The following GASK1B variants were observed in gnomAD, a reference collection of about 807,000 sequenced individuals.
GASK1B encodes golgi associated kinase 1B.
GASK1B carries 34 observed loss-of-function variants against 42.8 expected under a neutral mutation model. The ratio of observed to expected loss-of-function variants is 0.79; its 90% CI spans 0.60 to 1.06. GASK1B has a LOEUF of 1.06. Ranked by LOEUF, GASK1B falls within the 50% of genes least tolerant of loss-of-function variation. GASK1B has a pLI of 0.00. For synonymous variants in GASK1B, 262 were observed against 259.1 expected (o/e 1.01, Z -0.11); for missense variants, 686 against 661.0 (o/e 1.04, Z -0.42).
intron 3 of GASK1B, among the ~76,000 whole-genome samples, chr4:158,146,227 GA>G (rs1488898819): frequency 1.3e-5 from 2 of 151,532 alleles, no homozygotes; most frequent in Non-Finnish European, 2.9e-5. Context: ...TTACAAAGTT[GA>G]AAAAGACAGG....
At chr4:158,161,551 C>T (rs1002271565) in intron 2 of GASK1B, among the ~76,000 whole-genome samples, 2 of 152,184 alleles carry the variant, frequency 1.3e-5, no homozygotes, top group East Asian at 1.9e-4. Flanking sequence ...GAAAACAAGG[C>T]ATTCTTCTTT....
At chr4:158,164,640 CTAAA>C (rs1370479666) in intron 2 of GASK1B, among the ~76,000 whole-genome samples, 3 of 152,178 alleles carry the variant, frequency 2.0e-5, no homozygotes, top group Non-Finnish European at 4.4e-5. Context: ...TTACACACTC[CTAAA>C]TAAATATTTT....
chr4:158,152,901 A>G (rs748477043), intron 3 of GASK1B, among the ~76,000 whole-genome samples: 2 of 152,380 alleles, frequency 1.3e-5, no homozygotes, highest in East Asian at 3.9e-4. Context: ...ATTACACTGA[A>G]TGGGGAAAAG....
At chr4:158,157,515 C>A (rs1342866429) in intron 2 of GASK1B, among the ~76,000 whole-genome samples, 1 of 151,982 alleles carries the variant, frequency 6.6e-6, no homozygotes, top group African/African-American at 2.4e-5. Context: ...CCAGTATAAC[C>A]AAATACAAAT....
At chr4:158,149,955 C>T (rs1478205560) in intron 3 of GASK1B, among the ~76,000 whole-genome samples, 3 of 13,584 alleles carry the variant, frequency 2.2e-4, no homozygotes, top group East Asian at 7.3e-3. Flanking sequence ...GACGGAGTCT[C>T]ACTCTGTCGC....
At chr4:158,170,367 G>A (rs561698517) in intron 2 of GASK1B, 99 bp downstream of exon 2, 1 of 1,614,080 alleles carries the variant, frequency 6.2e-7, no homozygotes, top group South Asian at 1.1e-5. Flanking sequence ...TGTGAACCGT[G>A]GGTGGAGAAA....
intron 3 of GASK1B, among the ~76,000 whole-genome samples, chr4:158,139,673 A>C (rs554405941): frequency 3.3e-5 from 5 of 152,230 alleles, no homozygotes; most frequent in Non-Finnish European, 7.3e-5. Context: ...TTAAAAAATA[A>C]GTATGCATTA....
Position 158,137,891 on chromosome 4 carries a change from C to T in GASK1B, c.1126-6879G>A, listed in dbSNP as rs145166838. On this transcript the variant is annotated intron_variant, in intron 3 of 4. Transcript: ENST00000585682. ...GAATGAAGAGAAATGTAAAAATAGT[C>T]TGCAATATAGAAATCTAAAAATGGG... Among the ~76,000 whole-genome samples, 77 of 152,280 alleles carry T rather than the reference C, an allele frequency of 5.1e-4. 1 individual carries two copies. The East Asian group carries it at 0.013, about 25-fold the overall frequency.
chr4:158,132,331 G>A (rs1257629463), intron 3 of GASK1B, among the ~76,000 whole-genome samples: 1 of 152,088 alleles, frequency 6.6e-6, no homozygotes, highest in Non-Finnish European at 1.5e-5. Flanking sequence ...CTGTCTAGGA[G>A]ACCAGCTGCT....
At chr4:158,158,178 AC>A (rs1731828606) in intron 2 of GASK1B, among the ~76,000 whole-genome samples, 1 of 152,152 alleles carries the variant, frequency 6.6e-6, no homozygotes. Context: ...TGAAGCAACA[AC>A]ATACATTCAA....
chr4:158,157,825 A>G (rs931671399), intron 2 of GASK1B, among the ~76,000 whole-genome samples: 4 of 152,160 alleles, frequency 2.6e-5, no homozygotes, highest in African/African-American at 4.8e-5. Flanking sequence ...TCTTCCCTTT[A>G]GAAACATTTG....
chr4:158,170,499 G>T lies in GASK1B; in HGVS notation c.877C>A (p.Pro293Thr). 5 of 1,614,246 alleles carry T rather than the reference G, an allele frequency of 3.1e-6. No individual in the cohort carries two copies. The highest frequency in any genetic ancestry group is 2.2e-5 in the South Asian group (2 of 91,088). ...AACTCTGCTTTCCTGCTCACAGACG[G>T]CAGGGTCCTGTTGAGCCCCAGGATC... Reference protein sequence around the residue: ...DRILGLNRTLPSVSRKAEFIQ... With the variant: ...DRILGLNRTLTSVSRKAEFIQ... The change falls in exon 2 of 5, where the codon CCG becomes ACG. Residue 293 changes from proline (P) to threonine (T), a missense_variant. Pro to Thr is a conservative substitution (Grantham distance 38). Transcript: ENST00000585682.
At position 158,126,173 on chromosome 4, in the gene GASK1B, A is replaced by T. The variant is rs1730445730; in HGVS notation, c.*1234T>A. The T allele has an allele frequency of 6.6e-6, 1 of 152,164 alleles. No homozygotes were observed. Among genetic ancestry groups the T allele is most frequent in the African/African-American group, 2.4e-5 (1 of 41,462 alleles). The allele number at this position is 152,164 out of a possible 1,614,324, so 9.4% of individuals were successfully genotyped here. On this transcript the variant is annotated 3_prime_UTR_variant, in exon 5 of 5. Transcript: ENST00000585682. ...TAATCTATTCTGAATTTGAAACTCC[A>T]TGTGAATATCTACCATATGTGATGA...
intron 2 of GASK1B, among the ~76,000 whole-genome samples, chr4:158,164,987 G>A (rs985897031): frequency 6.6e-6 from 1 of 152,190 alleles, no homozygotes; most frequent in Non-Finnish European, 1.5e-5. Flanking sequence ...AGTGTGTGGG[G>A]TGCCTGCAGT....
intron 3 of GASK1B, among the ~76,000 whole-genome samples, chr4:158,138,595 T>C (rs905773180): frequency 1.3e-5 from 2 of 152,094 alleles, no homozygotes; most frequent in Non-Finnish European, 2.9e-5. Flanking sequence ...TTGCTTAACT[T>C]GATGTGTATT....
Position 158,130,994 on chromosome 4 carries a change from T to C in GASK1B, c.1144A>G (p.Thr382Ala). The C allele has an allele frequency of 6.2e-7, 1 of 1,613,398 alleles. No individual in the cohort carries two copies. Among genetic ancestry groups the C allele is most frequent in the South Asian group, 1.1e-5 (1 of 90,806 alleles). ...CGAGGTCTGAATCCACAGCAATTTG[T>C]ATCTAAGCGATTATAAATCTGTAAA... is the stretch of plus-strand genomic sequence containing the variant. ...FLLQIYNRLD[T>A]NCCGFRPRKE... The change falls in exon 4 of 5, where the codon ACA (threonine) becomes GCA (alanine). Residue 382 changes from threonine (T) to alanine (A), a missense_variant. Physicochemically the swap from Thr to Ala is moderately conservative, Grantham distance 58. Coordinates refer to ENST00000585682, the MANE Select transcript of GASK1B (RefSeq NM_001128424.2).
chr4:158,160,207 T>A (rs973584564), intron 2 of GASK1B, among the ~76,000 whole-genome samples: 15 of 152,100 alleles, frequency 9.9e-5, no homozygotes. Flanking sequence ...TTGGGCCCCA[T>A]CACAACTGTC....
chr4:158,159,372 C>T, intron 2 of GASK1B: 1 of 293,908 alleles, frequency 3.4e-6, no homozygotes, highest in Non-Finnish European at 6.9e-6. Flanking sequence ...AACTCCAGAT[C>T]TCAGAGCAAT....
chr4:158,157,313 A>C (rs1191515684), intron 2 of GASK1B, among the ~76,000 whole-genome samples: 1 of 152,098 alleles, frequency 6.6e-6, no homozygotes, highest in East Asian at 1.9e-4. Context: ...AAAAAGCTTC[A>C]TTTGTAGCAC....
Sources: allele counts gnomAD v4.1 joint callset (sites outside exome capture counted in the v4.1 genomes callset), GRCh38; gene constraint gnomAD v4.1.1; transcripts MANE v1.5; gene names NCBI Gene and HGNC (gene_info 2026-07-23, HGNC 2026-07-21).